Variants in MACF1 observed in about 807,000 individuals in gnomAD.
MACF1 encodes the protein microtubule actin crosslinking factor 1.
Under a neutral mutation model 854.8 loss-of-function variants are expected in MACF1, and 193 were observed. That is an observed-to-expected ratio of 0.23 (90% CI 0.20 to 0.25). The LOEUF (loss-of-function observed/expected upper bound fraction) is 0.25. Among genes scored for constraint, MACF1 ranks in the 10% least tolerant of loss-of-function variants. The probability of loss-of-function intolerance (pLI) is 1.00; values close to 1 mark genes in which losing one functional copy is unlikely to be tolerated. For synonymous variants in MACF1, 3,185 were observed against 3,226.7 expected (o/e 0.99, Z 0.44); for missense variants, 7,722 against 8,929.1 (o/e 0.86, Z 5.45).
intron 43 of MACF1, 89 bp from the exon 44 acceptor site, chr1:39,352,918 A>G: frequency 1.3e-6 from 1 of 775,216 alleles, no homozygotes; most frequent in Non-Finnish European, 2.1e-6. Context: ...GCATAAAATT[A>G]TCTCCTCCCC....
chr1:39,452,899 A>G (rs1015733933), intron 87 of MACF1, 87 bp downstream of exon 87: 16 of 1,484,484 alleles, frequency 1.1e-5, no homozygotes, highest in African/African-American at 1.4e-5. Context: ...TTTTTCTTGG[A>G]AATATCAGAG....
chr1:39,093,076 G>A (rs1641848161), intron 2 of MACF1, among the ~76,000 whole-genome samples: 1 of 151,978 alleles, frequency 6.6e-6, no homozygotes. Context: ...GAGCCACCGC[G>A]CCTGGCAAGT....
chr1:39,363,291 A>G (rs1648365904), intron 49 of MACF1, among the ~76,000 whole-genome samples: 1 of 152,232 alleles, frequency 6.6e-6, no homozygotes, highest in Admixed American at 6.6e-5. Flanking sequence ...CTCAAGGTAT[A>G]GGAAGTGAAT....
chr1:39,402,969 ACTCAAC>A (rs1642533148), intron 58 of MACF1, among the ~76,000 whole-genome samples: 1 of 151,334 alleles, frequency 6.6e-6, no homozygotes, highest in African/African-American at 2.4e-5. Flanking sequence ...TTCTCTCTGC[ACTCAAC>A]CTCTGAGATG....
At chr1:39,350,488 A>T (rs920422492) in intron 42 of MACF1, among the ~76,000 whole-genome samples, 2 of 152,214 alleles carry the variant, frequency 1.3e-5, no homozygotes, top group Non-Finnish European at 2.9e-5. Context: ...TGCTAAGATC[A>T]TGTTGTCAAC....
intron 58 of MACF1, among the ~76,000 whole-genome samples, chr1:39,419,032 A>G (rs1024771270): frequency 2.6e-5 from 4 of 152,240 alleles, no homozygotes; most frequent in African/African-American, 9.6e-5. Context: ...ACACAGTCCT[A>G]TTTCACTAAC....
chr1:39,121,644 C>T (rs138709651), intron 2 of MACF1, among the ~76,000 whole-genome samples: 64 of 152,264 alleles, frequency 4.2e-4, no homozygotes, highest in African/African-American at 1.4e-3. Context: ...GACGGGGTTT[C>T]GCCATTTTGG....
intron 52 of MACF1, among the ~76,000 whole-genome samples, chr1:39,375,686 A>G (rs1405819485): frequency 6.6e-6 from 1 of 152,260 alleles, no homozygotes; most frequent in African/African-American, 2.4e-5. Context: ...AAATGATGAC[A>G]AATGTTTTTG....
chr1:39,405,729 C>T (rs1321716225), intron 58 of MACF1, among the ~76,000 whole-genome samples: 1 of 152,166 alleles, frequency 6.6e-6, no homozygotes, highest in African/African-American at 2.4e-5. Context: ...TCTTTGAACT[C>T]TGTAATCAAT....
At position 39,458,399 on chromosome 1, in the gene MACF1, G is replaced by T. The variant is rs1644485569; in HGVS notation, c.21105G>T (p.Gln7035His). The stretch of plus-strand genomic sequence containing the variant: ...TTATGGAGGAGATGACTCGCAAACA[G>T]CCTGACGTGGACCGGGTCACCAAGA... ...QTFMEEMTRK[Q>H]PDVDRVTKTY... Residue 7035 changes from glutamine to histidine, a missense_variant, in exon 90 of 101, where the codon CAG (glutamine) becomes CAT (histidine). By Grantham distance (24) the Gln-to-His change is conservative (BLOSUM62 0). This residue lies in a region of MACF1 where 729 missense variants were observed against 900.5 expected (regional missense o/e 0.81). Coordinates refer to ENST00000564288, the MANE Select transcript of MACF1 (RefSeq NM_001394062.1). 1 of 1,613,778 alleles carries T rather than the reference G, an allele frequency of 6.2e-7. No homozygotes were observed. The highest frequency in any genetic ancestry group is 8.5e-7 in the Non-Finnish European group (1 of 1,179,960).
chr1:39,322,676 C>CCGT lies in MACF1; in HGVS notation c.4101_4103dup (p.Arg1368dup). The CCGT allele has an allele frequency of 6.2e-7, 1 of 1,614,030 alleles. No individual in the cohort carries two copies. The highest frequency in any genetic ancestry group is 1.7e-5 in the Admixed American group (1 of 60,002). On this transcript the variant is annotated inframe_insertion, in exon 32 of 101. Coordinates refer to ENST00000564288, the MANE Select transcript of MACF1 (RefSeq NM_001394062.1). ...CGCAGCAGAAATCCCCTGGCAAGCGCCGTCGCATGCTTTCCTCTTCAGATG... is the reference window on the plus strand; with the variant it reads ...CGCAGCAGAAATCCCCTGGCAAGCGCCGTCGTCGCATGCTTTCCTCTTCAGATG...
At position 39,284,119 on chromosome 1, in the gene MACF1, C is replaced by T; in HGVS notation, c.969C>T (p.Pro323=). The T allele has an allele frequency of 6.2e-7, 1 of 1,614,030 alleles. No homozygotes were observed. Among genetic ancestry groups the T allele is most frequent in the Non-Finnish European group, 8.5e-7 (1 of 1,179,934 alleles). ...EYQSRVDSLI[P]WIKQHTILMS... is the part of the protein sequence containing the mutation. Reference sequence around the variant, plus strand: ...AAAGCCGAGTGGACTCCCTCATTCCCTGGATCAAACAGCATACAATACTGA... The same window carrying T: ...AAAGCCGAGTGGACTCCCTCATTCCTTGGATCAAACAGCATACAATACTGA... The change falls in exon 10 of 101, where the codon CCC becomes CCT. Residue 323 remains proline (P), a synonymous_variant. Transcript: ENST00000564288.
chr1:39,335,884 G>T lies in MACF1; in HGVS notation c.9296G>T (p.Ser3099Ile). ...CGAGAAATTGCCTGTGGGGCCCAGAGTGAACCATTCCCTTGTATGACCCCA... is the reference window on the plus strand; with the variant it reads ...CGAGAAATTGCCTGTGGGGCCCAGATTGAACCATTCCCTTGTATGACCCCA... ...LSREIACGAQ[S>I]EPFPCMTPRP... The change falls in exon 37 of 101, where the codon AGT (serine) becomes ATT (isoleucine). Residue 3099 changes from serine to isoleucine, a missense_variant. Transcript: ENST00000564288. The T allele has an allele frequency of 6.2e-7, 1 of 1,614,072 alleles. No homozygotes were observed. The highest frequency in any genetic ancestry group is 1.1e-5 in the South Asian group (1 of 91,076).
intron 18 of MACF1, among the ~76,000 whole-genome samples, chr1:39,294,814 C>T (rs1011578816): frequency 1.3e-5 from 2 of 152,192 alleles, no homozygotes; most frequent in Admixed American, 1.3e-4. Context: ...CTGTGTTCCC[C>T]CATTTTACTC....
At chr1:39,231,390 C>T in intron 2 of MACF1, 147 bp downstream of exon 2, 1 of 732,850 alleles carries the variant, frequency 1.4e-6, no homozygotes, top group Non-Finnish European at 2.3e-6. Flanking sequence ...CTCTTCTTTT[C>T]TTTTTTAATA....
At chr1:39,241,719 T>C (rs1181199004) in intron 2 of MACF1, among the ~76,000 whole-genome samples, 3 of 150,740 alleles carry the variant, frequency 2.0e-5, no homozygotes, top group Non-Finnish European at 3.0e-5. Context: ...TTTTTGTGTA[T>C]GTATGGCGGG....
intron 2 of MACF1, among the ~76,000 whole-genome samples, chr1:39,152,489 G>A (rs1643600985): frequency 6.6e-6 from 1 of 152,040 alleles, no homozygotes; most frequent in South Asian, 2.1e-4. Flanking sequence ...AGATACATAT[G>A]TACCCACTAC....
intron 56 of MACF1, among the ~76,000 whole-genome samples, 165 bp from the exon 57 acceptor site, chr1:39,385,269 C>T (rs982002838): frequency 1.3e-5 from 2 of 152,012 alleles, no homozygotes; most frequent in Non-Finnish European, 2.9e-5. Flanking sequence ...GGTTTCGCCA[C>T]GTTGGCCAGG....
chr1:39,282,198 CT>C lies in MACF1; in HGVS notation c.529-6del. On this transcript the variant is annotated splice_polypyrimidine_tract_variant and intron_variant, in intron 6 of 100. Coordinates refer to ENST00000564288, the MANE Select transcript of MACF1 (RefSeq NM_001394062.1). ...TATAATGAATTATTCTGTGTCCCAT[CT>C]TTTGGCAGATCTCTGACATCTACAT... The C allele has an allele frequency of 6.2e-7, 1 of 1,612,808 alleles. No homozygotes were observed. Among genetic ancestry groups the C allele is most frequent in the South Asian group, 1.1e-5 (1 of 90,922 alleles).
Sources: gnomAD v4.1 joint callset for allele counts (sites outside exome capture counted in the v4.1 genomes callset) on GRCh38, gnomAD v4.1.1 for gene constraint, gnomAD v4.1.1 regional missense constraint, MANE v1.5 for transcripts, NCBI Gene and HGNC (gene_info 2026-07-23, HGNC 2026-07-21) for gene names.